Variants in RYR2 observed in about 807,000 individuals in gnomAD.
RYR2 encodes the protein ryanodine receptor 2.
In RYR2, 227 loss-of-function variants were observed where a neutral mutation model predicts 601.1. That is an observed-to-expected ratio of 0.38 (90% confidence interval 0.34 to 0.42). The LOEUF is 0.42. Ranked by LOEUF, RYR2 falls within the 10% of genes least tolerant of loss-of-function variation. The pLI is 1.00. For missense variants in RYR2, 4,646 were observed against 6,156.5 expected, an observed-to-expected ratio of 0.75 and a Z score of 8.21; for synonymous variants, 2,223 against 2,175.1, an observed-to-expected ratio of 1.02 and a Z score of -0.61.
At position 237,570,337 on chromosome 1, in the gene RYR2, AAT is replaced by A. The variant is rs1672550574; in HGVS notation, c.3598+1019_3598+1020del. Among the ~76,000 whole-genome samples, 4 of 112,220 alleles carry A rather than the reference AAT, an allele frequency of 3.6e-5. No homozygotes were observed. In the Admixed American group the frequency reaches 4.6e-4, roughly 13 times the overall value. 73.6% of individuals were successfully genotyped at this position (112,220 alleles called of 152,430 possible). On this transcript the variant is annotated intron_variant, in intron 29 of 104. Coordinates refer to ENST00000366574, the MANE Select transcript of RYR2 (RefSeq NM_001035.3). ...GGCTGTTTATATTTAAGTTAGTTTG[AAT>A]TTTTTTTTTTTTTTTTGAGTCAGAG...
chr1:237,356,313 A>AC (rs1699290079), intron 4 of RYR2, among the ~76,000 whole-genome samples: 2 of 152,018 alleles, frequency 1.3e-5, no homozygotes, highest in African/African-American at 4.8e-5. Flanking sequence ...TGCAAAAAAA[A>AC]ACAAAAAACA....
At chr1:237,184,680 G>T (rs1368329683) in intron 1 of RYR2, among the ~76,000 whole-genome samples, 2 of 152,012 alleles carry the variant, frequency 1.3e-5, no homozygotes, top group African/African-American at 4.8e-5. Flanking sequence ...ACTTATGAAC[G>T]GTCTAGGAGG....
intron 1 of RYR2, among the ~76,000 whole-genome samples, chr1:237,209,367 C>T (rs1359101635): frequency 6.6e-6 from 1 of 151,810 alleles, no homozygotes; most frequent in African/African-American, 2.4e-5. Flanking sequence ...ATCCATTTAT[C>T]CATTAACAGA....
At position 237,284,512 on chromosome 1, in the gene RYR2, T is replaced by TAA. The variant is rs1489434432; in HGVS notation, c.168+13897_168+13898insAA. ...ATATATAAAATATATATAAAATATA[T>TAA]ATAATATATGTATTGTGTGTATATA... On this transcript the variant is annotated intron_variant, in intron 2 of 104. Coordinates refer to ENST00000366574, the MANE Select transcript of RYR2 (RefSeq NM_001035.3). 4.5e-4 allele frequency among the ~76,000 whole-genome samples: 65 copies of TAA among 143,438 alleles called. 1 individual carries two copies. The East Asian group carries it at 0.01, about 23-fold the overall frequency. 94.1% of individuals were successfully genotyped at this position (143,438 alleles called of 152,430 possible).
intron 3 of RYR2, among the ~76,000 whole-genome samples, chr1:237,352,080 T>A (rs1698902871): frequency 1.3e-5 from 2 of 151,952 alleles, no homozygotes; most frequent in South Asian, 4.1e-4. Flanking sequence ...TTTTTAAATA[T>A]TAAACACCTA....
chr1:237,425,950 C>G (rs1706109111), intron 12 of RYR2, among the ~76,000 whole-genome samples: 1 of 152,028 alleles, frequency 6.6e-6, no homozygotes, highest in Non-Finnish European at 1.5e-5. Flanking sequence ...CAGATTCATA[C>G]TATCCCAATA....
intron 3 of RYR2, among the ~76,000 whole-genome samples, chr1:237,346,145 C>A (rs1433808711): frequency 6.6e-6 from 1 of 151,910 alleles, no homozygotes; most frequent in Non-Finnish European, 1.5e-5. Context: ...GTGGGCAGAT[C>A]ACTTGAGCCC....
At chr1:237,674,693 T>C in intron 59 of RYR2, 38 bp from the exon 60 acceptor site, 2 of 1,161,202 alleles carry the variant, frequency 1.7e-6, no homozygotes, top group Admixed American at 1.8e-5. Context: ...AGAGGCTTTG[T>C]ACAAATTGCT....
intron 36 of RYR2, 134 bp downstream of exon 36, chr1:237,611,122 T>G (rs1677821158): frequency 1.5e-6 from 1 of 689,124 alleles, no homozygotes; most frequent in East Asian, 2.7e-5. Context: ...TCTAAATTCT[T>G]TAGGCAATGG....
chr1:237,596,061 A>G (rs545819833), intron 34 of RYR2, among the ~76,000 whole-genome samples: 1 of 152,312 alleles, frequency 6.6e-6, no homozygotes, highest in African/African-American at 2.4e-5. Flanking sequence ...GCTATTTCCT[A>G]CAAAAGCTAC....
chr1:237,592,850 G>A (rs1389820789), intron 32 of RYR2, among the ~76,000 whole-genome samples: 8 of 151,542 alleles, frequency 5.3e-5, no homozygotes, highest in South Asian at 4.2e-4. Context: ...GTGAAACCCC[G>A]TCTTTACTAA....
intron 4 of RYR2, among the ~76,000 whole-genome samples, chr1:237,361,162 C>T (rs1383871290): frequency 4.6e-5 from 7 of 152,186 alleles, no homozygotes; most frequent in Admixed American, 1.3e-4. Flanking sequence ...ATCATAAGAG[C>T]GATAGTTGAA....
intron 1 of RYR2, among the ~76,000 whole-genome samples, chr1:237,118,138 A>C (rs1191795363): frequency 6.6e-6 from 1 of 152,198 alleles, no homozygotes; most frequent in Non-Finnish European, 1.5e-5. Flanking sequence ...TTTCAAAAGA[A>C]ATTGAAGGGA....
intron 1 of RYR2, among the ~76,000 whole-genome samples, chr1:237,127,980 G>C (rs1378262095): frequency 1.3e-5 from 2 of 152,230 alleles, no homozygotes; most frequent in Non-Finnish European, 2.9e-5. Context: ...TCCCAGATGG[G>C]GTGGCGGCCG....
At chr1:237,351,885 G>C (rs1177537669) in intron 3 of RYR2, among the ~76,000 whole-genome samples, 1 of 117,444 alleles carries the variant, frequency 8.5e-6, no homozygotes, top group Non-Finnish European at 1.7e-5. Flanking sequence ...AAAAGGTATA[G>C]ACTAATATTT....
At chr1:237,213,616 G>C (rs11799783) in intron 1 of RYR2, among the ~76,000 whole-genome samples, 3,008 of 152,192 alleles carry the variant, frequency 0.02, 59 homozygotes, top group South Asian at 0.083. Flanking sequence ...TATAACAGCT[G>C]TTTATAAGAT....
At chr1:237,086,106 T>A (rs1458267396) in intron 1 of RYR2, among the ~76,000 whole-genome samples, 1 of 152,258 alleles carries the variant, frequency 6.6e-6, no homozygotes, top group Admixed American at 6.5e-5. Flanking sequence ...TGCATTAGTT[T>A]GCCTGAGCTG....
chr1:237,561,073 A>T (rs1671401713), intron 27 of RYR2, among the ~76,000 whole-genome samples: 1 of 152,140 alleles, frequency 6.6e-6, no homozygotes, highest in Non-Finnish European at 1.5e-5. Flanking sequence ...GGAAGGGAAG[A>T]ATGAAGGAAT....
intron 70 of RYR2, among the ~76,000 whole-genome samples, chr1:237,710,092 T>G (rs1688704482): frequency 6.6e-6 from 1 of 152,222 alleles, no homozygotes; most frequent in Admixed American, 6.5e-5. Flanking sequence ...AGTACGTATT[T>G]GGTGAATTTT....
Sources: allele counts gnomAD v4.1 joint callset (sites outside exome capture counted in the v4.1 genomes callset), GRCh38; gene constraint gnomAD v4.1.1; transcripts MANE v1.5; gene names NCBI Gene and HGNC (gene_info 2026-07-23, HGNC 2026-07-21).